The following PRKN variants were observed in gnomAD, a reference collection of about 807,000 sequenced individuals.
The protein encoded by PRKN is parkin RBR E3 ubiquitin protein ligase.
A neutral mutation model predicts 59.5 loss-of-function variants in PRKN; 56 were observed. That is an observed-to-expected ratio of 0.94 (90% CI 0.76 to 1.18). The LOEUF (loss-of-function observed/expected upper bound fraction) is 1.18. PRKN is among the 50% of genes most tolerant of loss of function. PRKN has a pLI of 0.00. For synonymous variants in PRKN, 250 were observed against 222.1 expected (o/e 1.13, Z -1.12); for missense variants, 657 against 596.4 (o/e 1.10, Z -1.06).
chr6:162,571,566 A>G (rs1274932274), intron 1 of PRKN, among the ~76,000 whole-genome samples: 3 of 152,016 alleles, frequency 2.0e-5, no homozygotes, highest in East Asian at 1.9e-4. Flanking sequence ...AAAACAGAAA[A>G]CTCTAGTATG....
intron 4 of PRKN, among the ~76,000 whole-genome samples, chr6:162,149,144 A>G (rs1340772800): frequency 6.6e-6 from 1 of 152,150 alleles, no homozygotes; most frequent in Non-Finnish European, 1.5e-5. Context: ...TGCACCTTCA[A>G]GGTCGTATTA....
chr6:162,651,499 A>C (rs1778429701), intron 1 of PRKN, among the ~76,000 whole-genome samples: 1 of 152,222 alleles, frequency 6.6e-6, no homozygotes, highest in African/African-American at 2.4e-5. Flanking sequence ...TGAAGGAGAA[A>C]GTAGTTTGAG....
intron 4 of PRKN, among the ~76,000 whole-genome samples, chr6:162,193,990 C>T (rs950168567): frequency 1.3e-5 from 2 of 152,120 alleles, no homozygotes; most frequent in Admixed American, 6.5e-5. Flanking sequence ...TTAAAAGAAA[C>T]ATATTTTTGG....
intron 10 of PRKN, among the ~76,000 whole-genome samples, chr6:161,383,753 C>T (rs2114935394): frequency 1.3e-5 from 2 of 152,306 alleles, no homozygotes; most frequent in Middle Eastern, 6.8e-3. Flanking sequence ...CCTGTGTCCC[C>T]AGCCCGCCTC....
chr6:162,172,641 G>A (rs1396343670), intron 4 of PRKN, among the ~76,000 whole-genome samples: 2 of 152,144 alleles, frequency 1.3e-5, no homozygotes, highest in Non-Finnish European at 2.9e-5. Flanking sequence ...AGAGACCAAT[G>A]CCTGGGACAA....
intron 8 of PRKN, among the ~76,000 whole-genome samples, chr6:161,568,678 T>C (rs2006029): frequency 0.38 from 57,768 of 151,980 alleles, 11,524 homozygotes; most frequent in East Asian, 0.7. Context: ...TAAGGATAAC[T>C]TGACACCTAG....
chr6:161,481,045 T>C (rs1443183672), intron 9 of PRKN, among the ~76,000 whole-genome samples: 3 of 152,234 alleles, frequency 2.0e-5, no homozygotes, highest in African/African-American at 4.8e-5. Context: ...GGGCAGGCAC[T>C]GCCCCTGACT....
rs542080804 is a variant in PRKN, at chr6:162,720,512, G to A, written c.7+7150C>T. Among the ~76,000 whole-genome samples, 49 of 140,744 alleles carry A rather than the reference G, an allele frequency of 3.5e-4. 1 individual carries two copies. In the South Asian group the frequency reaches 3.8e-3, roughly 11 times the overall value. The allele number at this position is 140,744 out of a possible 152,430, so 92.3% of individuals were successfully genotyped here. On this transcript the variant is annotated intron_variant, in intron 1 of 11. Transcript: ENST00000366898. ...AGGCCGGACTGCGGACTGCAGTGGC[G>A]CAATCTCGGCTCACTGCAAGCTCCG...
chr6:161,737,673 T>C (rs1272376592), intron 7 of PRKN, among the ~76,000 whole-genome samples: 1 of 152,174 alleles, frequency 6.6e-6, no homozygotes, highest in Non-Finnish European at 1.5e-5. Flanking sequence ...ACAGAGCTAC[T>C]GAGTGGCAGG....
In PRKN at chr6:161,897,764, G is replaced by A. The variant is rs191474753; in HGVS notation, c.734+75538C>T. Reference sequence around the variant, plus strand: ...TGGGAGGCTGAGGCGGGTGGATCACGAGGTCAGGAGATCGAGACCAAGGTG... The same window carrying A: ...TGGGAGGCTGAGGCGGGTGGATCACAAGGTCAGGAGATCGAGACCAAGGTG... On this transcript the variant is annotated intron_variant, in intron 6 of 11. Transcript: ENST00000366898. Among the ~76,000 whole-genome samples the A allele has an allele frequency of 1.0e-3, 153 of 150,980 alleles. 1 individual carries two copies. The East Asian group carries it at 0.026, about 25-fold the overall frequency.
intron 1 of PRKN, among the ~76,000 whole-genome samples, chr6:162,481,960 A>T (rs1301453844): frequency 6.6e-6 from 1 of 152,160 alleles, no homozygotes; most frequent in Non-Finnish European, 1.5e-5. Flanking sequence ...AAAATACCAA[A>T]GGAGTAATCT....
At chr6:162,621,563 T>A (rs1424491277) in intron 1 of PRKN, among the ~76,000 whole-genome samples, 3 of 152,192 alleles carry the variant, frequency 2.0e-5, no homozygotes, top group Non-Finnish European at 4.4e-5. Flanking sequence ...ACAAGCTAAA[T>A]GAATGGTCTT....
chr6:162,099,818 A>ATTG (rs1469115997), intron 4 of PRKN, among the ~76,000 whole-genome samples: 1 of 152,220 alleles, frequency 6.6e-6, no homozygotes, highest in Non-Finnish European at 1.5e-5. Flanking sequence ...AATGTAATAC[A>ATTG]TTGTTATTAA....
chr6:162,312,381 G>A (rs1196884141), intron 2 of PRKN, among the ~76,000 whole-genome samples: 1 of 152,000 alleles, frequency 6.6e-6, no homozygotes, highest in Non-Finnish European at 1.5e-5. Context: ...AACCTGTCAA[G>A]AGCATTTAGA....
At chr6:161,912,540 G>C (rs1778403517) in intron 6 of PRKN, among the ~76,000 whole-genome samples, 1 of 151,896 alleles carries the variant, frequency 6.6e-6, no homozygotes, top group South Asian at 2.1e-4. Flanking sequence ...GGACACCCCT[G>C]AACTAAGAAG....
intron 4 of PRKN, among the ~76,000 whole-genome samples, chr6:162,058,941 G>GA (rs1384068771): frequency 1.5e-5 from 2 of 135,776 alleles, no homozygotes; most frequent in Non-Finnish European, 3.0e-5. Context: ...GACAGAGTGA[G>GA]ACTCTGCCTC....
rs183819003 is a variant in PRKN, at chr6:161,576,710, C to A, written c.872-7294G>T. Among the ~76,000 whole-genome samples, 29 of 152,260 alleles carry A rather than the reference C, an allele frequency of 1.9e-4. No individual in the cohort carries two copies. The East Asian group carries it at 4.8e-3, about 25-fold the overall frequency. On this transcript the variant is annotated intron_variant, in intron 7 of 11. Transcript: ENST00000366898. The surrounding 1 kb of genome is among the most constrained non-coding windows in gnomAD (Gnocchi z 4.6). ...GTAACATTTTGGATGGTCATTAGCA[C>A]TGTGTGGAAAAGAGAAAATACAACA...
At chr6:162,558,868 C>T (rs1316513211) in intron 1 of PRKN, among the ~76,000 whole-genome samples, 2 of 151,960 alleles carry the variant, frequency 1.3e-5, no homozygotes, top group Non-Finnish European at 2.9e-5. Context: ...TCTCAAGTTC[C>T]GGAGCTCAAG....
At chr6:161,485,220 TAATTTGGTAG>T in intron 9 of PRKN, among the ~76,000 whole-genome samples, 1 of 152,318 alleles carries the variant, frequency 6.6e-6, no homozygotes, top group East Asian at 1.9e-4. Context: ...AAATTAGATT[TAATTTGGTAG>T]GCTAGGCAGA....
Sources: gnomAD v4.1 joint callset for allele counts (sites outside exome capture counted in the v4.1 genomes callset) on GRCh38, gnomAD v4.1.1 for gene constraint, Gnocchi (gnomAD v3.1) non-coding constraint, MANE v1.5 for transcripts, NCBI Gene and HGNC (gene_info 2026-07-23, HGNC 2026-07-21) for gene names.